The following DMD variants were observed in gnomAD, a reference collection of about 807,000 sequenced individuals.
DMD encodes dystrophin.
In DMD, 63 loss-of-function variants were observed where a neutral mutation model predicts 330.1. The ratio of observed to expected loss-of-function variants is 0.19; its 90% CI spans 0.16 to 0.24. The LOEUF is 0.24. Among genes scored for constraint, DMD ranks in the 10% least tolerant of loss-of-function variants. The pLI, the probability that DMD is intolerant of heterozygous loss-of-function variation, is 1.00. For synonymous variants in DMD, 1,223 were observed against 959.8 expected, an observed-to-expected ratio of 1.27 and a Z score of -5.07; for missense variants, 3,344 against 2,684.1, an observed-to-expected ratio of 1.25 and a Z score of -5.43.
intron 62 of DMD, among the ~76,000 whole-genome samples, chrX:31,270,579 G>A (rs1001910181): frequency 3.6e-5 from 4 of 112,162 alleles, no homozygotes; most frequent in Non-Finnish European, 7.5e-5. Flanking sequence ...GAGCTTCAAC[G>A]GTCTGCTTGA....
At chrX:32,547,652 GCTTATAGTTATTGA>G (rs976666589) in intron 16 of DMD, among the ~76,000 whole-genome samples, 8 of 110,828 alleles carry the variant, frequency 7.2e-5, no homozygotes, top group Non-Finnish European at 1.5e-4. Flanking sequence ...TTTCCTTATG[GCTTATAGTTATTGA>G]CTATAACTAT....
chrX:32,539,871 G>C (rs540828308), intron 17 of DMD, among the ~76,000 whole-genome samples: 5 of 111,467 alleles, frequency 4.5e-5, no homozygotes, highest in Non-Finnish European at 5.7e-5. Flanking sequence ...GGAAATAGCC[G>C]AGAAAGCAAG....
At chrX:31,646,820 G>C (rs1178002338) in intron 54 of DMD, among the ~76,000 whole-genome samples, 1 of 112,032 alleles carries the variant, frequency 8.9e-6, no homozygotes, top group Non-Finnish European at 1.9e-5. Flanking sequence ...CTGAAAATCT[G>C]ATGAGGCCGC....
At chrX:31,407,466 CT>C (rs60536358) in intron 60 of DMD, among the ~76,000 whole-genome samples, 36,396 of 88,434 alleles carry the variant, frequency 0.41, 7,597 homozygotes, top group African/African-American at 0.73. Context: ...ATGCTTGGCC[CT>C]TTTTTTTTTT....
At chrX:31,558,599 C>A (rs1341105534) in intron 55 of DMD, among the ~76,000 whole-genome samples, 2 of 110,364 alleles carry the variant, frequency 1.8e-5, no homozygotes. Context: ...TGAATCTGTG[C>A]ACAAAAGAAA....
intron 2 of DMD, among the ~76,000 whole-genome samples, chrX:32,987,701 A>G (rs2092880260): frequency 9.0e-6 from 1 of 111,032 alleles, no homozygotes; most frequent in South Asian, 3.8e-4. Context: ...TGCTACTTGT[A>G]GAGGCTGTCA....
At chrX:32,377,431 A>G (rs1175005122) in intron 34 of DMD, among the ~76,000 whole-genome samples, 1 of 111,655 alleles carries the variant, frequency 9.0e-6, no homozygotes, top group Non-Finnish European at 1.9e-5. Flanking sequence ...TCTTTCTTCA[A>G]TTATGCTTGG....
chrX:31,848,061 C>T (rs758964078), intron 48 of DMD, among the ~76,000 whole-genome samples: 7 of 111,447 alleles, frequency 6.3e-5, no homozygotes, highest in Admixed American at 9.5e-5. Context: ...TGTGCATACA[C>T]GCACATGTGC....
intron 51 of DMD, among the ~76,000 whole-genome samples, chrX:31,751,752 T>C (rs1226351932): frequency 7.1e-5 from 8 of 112,403 alleles, no homozygotes; most frequent in Non-Finnish European, 3.8e-5. Context: ...AGTTAGTCAT[T>C]ACTAAATGTT....
In DMD at chrX:31,548,941, T is replaced by A. The variant is rs748819589; in HGVS notation, c.8218-41488A>T. Reference sequence around the variant, plus strand: ...CACACACAAACATAACTGATTTTTTTTAAAAAAAAAACATGTATTACTTTA... The same window carrying A: ...CACACACAAACATAACTGATTTTTTATAAAAAAAAAACATGTATTACTTTA... On this transcript the variant is annotated intron_variant, in intron 55 of 78. Transcript: ENST00000357033. Among the ~76,000 whole-genome samples the A allele has an allele frequency of 7.1e-3, 764 of 108,117 alleles. 2 individuals are homozygous for A. The highest frequency in any genetic ancestry group is 0.02 in the South Asian group (51 of 2,516). 93.9% of individuals were successfully genotyped at this position (108,117 alleles called of 115,157 possible).
At chrX:31,386,932 A>G (rs900522943) in intron 60 of DMD, among the ~76,000 whole-genome samples, 7 of 111,606 alleles carry the variant, frequency 6.3e-5, no homozygotes, top group African/African-American at 2.3e-4. Context: ...ACATCTCACC[A>G]CAACTAACAT....
At chrX:32,473,063 GTA>G (rs1759777742) in intron 21 of DMD, among the ~76,000 whole-genome samples, 1 of 111,016 alleles carries the variant, frequency 9.0e-6, no homozygotes, top group Non-Finnish European at 1.9e-5. Context: ...ATGTGTATAT[GTA>G]TATATATGAA....
intron 13 of DMD, among the ~76,000 whole-genome samples, chrX:32,591,418 C>T (rs1249725565): frequency 8.9e-6 from 1 of 112,085 alleles, no homozygotes; most frequent in Non-Finnish European, 1.9e-5. Context: ...AAGCTATGGG[C>T]TTAACCATGT....
intron 48 of DMD, among the ~76,000 whole-genome samples, chrX:31,874,932 A>G (rs1430187993): frequency 5.4e-5 from 6 of 110,513 alleles, no homozygotes; most frequent in Non-Finnish European, 9.5e-5. Flanking sequence ...TGACTCCTAC[A>G]CTGCTCCTTG....
chrX:32,081,728 C>T (rs1408506144), intron 44 of DMD, among the ~76,000 whole-genome samples: 4 of 110,620 alleles, frequency 3.6e-5, no homozygotes, highest in Non-Finnish European at 5.7e-5. Flanking sequence ...GTAGTACTTG[C>T]CTGTAATCCC....
At chrX:33,183,274 G>A (rs1235551256) in intron 1 of DMD, among the ~76,000 whole-genome samples, 9 of 111,612 alleles carry the variant, frequency 8.1e-5, no homozygotes, top group Non-Finnish European at 1.7e-4. Flanking sequence ...CATGGGCAAG[G>A]AGAAGGATTT....
chrX:31,810,023 T>C (rs770462172), intron 50 of DMD, among the ~76,000 whole-genome samples: 148 of 107,922 alleles, frequency 1.4e-3, no homozygotes, highest in African/African-American at 4.8e-3. Flanking sequence ...GGAAGGTTGA[T>C]GTATTTGATC....
intron 13 of DMD, among the ~76,000 whole-genome samples, chrX:32,587,277 G>C (rs887125460): frequency 1.5e-4 from 17 of 111,340 alleles, no homozygotes; most frequent in African/African-American, 5.6e-4. Context: ...CTGAGATATA[G>C]CACATTCCCT....
chrX:33,187,354 G>A lies in DMD; in HGVS notation c.31+23928C>T, dbSNP rs1199092888. ...GCCTTCTGTGAATTAGAGTATGATAGTAAATGGTAATAAATGATCTTAAGT... is the reference window on the plus strand; with the variant it reads ...GCCTTCTGTGAATTAGAGTATGATAATAAATGGTAATAAATGATCTTAAGT... On this transcript the variant is annotated intron_variant, in intron 1 of 78. Transcript: ENST00000357033. Among the ~76,000 whole-genome samples the A allele has an allele frequency of 2.7e-5, 3 of 112,380 alleles. No homozygotes were observed. In the East Asian group the frequency reaches 8.4e-4, roughly 31 times the overall value.
Sources: gnomAD v4.1 joint callset for allele counts (sites outside exome capture counted in the v4.1 genomes callset) on GRCh38, gnomAD v4.1.1 for gene constraint, MANE v1.5 for transcripts, NCBI Gene and HGNC (gene_info 2026-07-23, HGNC 2026-07-21) for gene names.